TAF7L: variants seen among roughly 807,000 people sequenced by gnomAD.
The protein encoded by TAF7L is TATA-box binding protein associated factor 7 like.
A neutral mutation model predicts 30.2 loss-of-function variants in TAF7L; 6 were observed. The observed-to-expected ratio is 0.20, with a 90% confidence interval of 0.11 to 0.39. The LOEUF is 0.39. TAF7L is among the 10% of genes least tolerant of loss of function. The pLI, the probability that TAF7L is intolerant of heterozygous loss-of-function variation, is 1.00. For missense variants in TAF7L, 284 were observed against 277.1 expected (o/e 1.03, Z -0.18); for synonymous variants, 93 against 94.5 (o/e 0.98, Z 0.09).
chrX:101,275,214 C>A lies in TAF7L; in HGVS notation c.1086+8G>T. The A allele has an allele frequency of 8.6e-7, 1 of 1,161,984 alleles. No individual in the cohort carries two copies. Among genetic ancestry groups the A allele is most frequent in the Non-Finnish European group, 1.2e-6 (1 of 858,088 alleles). On this transcript the variant is annotated splice_region_variant and intron_variant, in intron 12 of 12. Transcript: ENST00000356784. ...GTTTTCTGGTTAATTTGAAAACATACTTCTTACCTTCTCATTTTTTTGTTT... is the reference window on the plus strand; with the variant it reads ...GTTTTCTGGTTAATTTGAAAACATAATTCTTACCTTCTCATTTTTTTGTTT...
rs373791048 is a variant in TAF7L, at chrX:101,278,979, T to G, written c.504+15A>C. The G allele has an allele frequency of 2.9e-5, 35 of 1,192,649 alleles. No individual in the cohort carries two copies. The African/African-American group carries it at 4.9e-4, about 17-fold the overall frequency. ...CATTAAGGGTAAAAATGAAGTTATA[T>G]TATGATTGCTCTACCTCAGTAAAGC... On this transcript the variant is annotated intron_variant, in intron 7 of 12. Transcript: ENST00000356784.
chrX:101,276,750 T>C (rs1375587625), intron 9 of TAF7L, among the ~76,000 whole-genome samples: 1 of 110,900 alleles, frequency 9.0e-6, no homozygotes, highest in Non-Finnish European at 1.9e-5. Flanking sequence ...TTAGAGACTC[T>C]AAGGGTCATA....
At chrX:101,288,353 G>A (rs1471333325) in intron 1 of TAF7L, among the ~76,000 whole-genome samples, 1 of 109,757 alleles carries the variant, frequency 9.1e-6, no homozygotes, top group East Asian at 2.9e-4. Flanking sequence ...ATGTCGGCTA[G>A]GCTGGTCTTA....
chrX:101,274,931 A>T (rs1450821998), intron 12 of TAF7L, among the ~76,000 whole-genome samples: 3 of 112,002 alleles, frequency 2.7e-5, no homozygotes, highest in Non-Finnish European at 5.6e-5. Flanking sequence ...TATATACATT[A>T]TTTTGCTTAA....
upstream of TAF7L, among the ~76,000 whole-genome samples, chrX:101,291,894 C>G (rs1179977230): frequency 9.9e-6 from 1 of 100,979 alleles, no homozygotes; most frequent in Non-Finnish European, 2.0e-5. Context: ...TACACAGGGG[C>G]AACCTTCAGG....
At chrX:101,288,489 TTTC>T (rs1182380697) in intron 1 of TAF7L, among the ~76,000 whole-genome samples, 1 of 108,903 alleles carries the variant, frequency 9.2e-6, no homozygotes, top group Non-Finnish European at 1.9e-5. Flanking sequence ...CTCTTTTTTT[TTTC>T]TTTTTGAGAT....
chrX:101,289,668 T>G (rs1013372976), intron 1 of TAF7L, among the ~76,000 whole-genome samples: 1 of 110,876 alleles, frequency 9.0e-6, no homozygotes, highest in East Asian at 2.9e-4. Flanking sequence ...CTGCAACCTC[T>G]GCTGCCCGGG....
chrX:101,284,068 A>T (rs1249694148), intron 3 of TAF7L, among the ~76,000 whole-genome samples: 1 of 111,745 alleles, frequency 8.9e-6, no homozygotes, highest in Non-Finnish European at 1.9e-5. Flanking sequence ...ACAGCCATAT[A>T]CTAAACTCTG....
At chrX:101,287,753 T>G (rs1453362081) in intron 1 of TAF7L, 1 of 319,711 alleles carries the variant, frequency 3.1e-6, no homozygotes, top group Non-Finnish European at 5.5e-6. Context: ...CTCCAATATG[T>G]GTAGATTTTC....
At position 101,275,255 on chromosome X, in the gene TAF7L, C is replaced by T; in HGVS notation, c.1053G>A (p.Gln351=). Residue 351 remains glutamine (Q), a synonymous_variant, in exon 12 of 13, where the codon CAG becomes CAA. Transcript: ENST00000356784. ...LKNHFQSVLE[Q]LELQEKQKNE... The stretch of plus-strand genomic sequence containing the variant: ...TTTTTTGTTTTTCCTGTAACTCAAG[C>T]TGCTCCAGCACAGACTGAAAATGAT... The T allele has an allele frequency of 8.4e-7, 1 of 1,188,381 alleles. No homozygotes were observed. Among genetic ancestry groups the T allele is most frequent in the East Asian group, 3.1e-5 (1 of 32,757 alleles).
chrX:101,279,347 C>T (rs187686225), intron 6 of TAF7L, among the ~76,000 whole-genome samples: 1 of 111,982 alleles, frequency 8.9e-6, no homozygotes, highest in Non-Finnish European at 1.9e-5. Flanking sequence ...TTTGGCCAGG[C>T]GTGGTGGCTC....
chrX:101,277,487 C>T (rs1322829024), intron 9 of TAF7L, 119 bp downstream of exon 9: 2 of 368,316 alleles, frequency 5.4e-6, no homozygotes, highest in Non-Finnish European at 9.2e-6. Context: ...AGGACGAAAC[C>T]ATCCTTTTTT....
At chrX:101,281,888 T>A in intron 5 of TAF7L, 113 bp from the exon 6 acceptor site, 3 of 375,285 alleles carry the variant, frequency 8.0e-6, no homozygotes, top group Non-Finnish European at 1.2e-5. Flanking sequence ...ATCACTCCTT[T>A]TTTTTTTTTT....
Position 101,278,075 on chromosome X carries a change from C to T in TAF7L, c.551G>A (p.Arg184His), listed in dbSNP as rs375528237. The T allele has an allele frequency of 7.8e-5, 94 of 1,209,231 alleles. No homozygotes were observed. The highest frequency in any genetic ancestry group is 6.9e-4 in the Middle Eastern group (3 of 4,371). The change falls in exon 8 of 13, where the codon CGT (arginine) becomes CAT (histidine). Residue 184 changes from arginine to histidine, a missense_variant. Coordinates refer to ENST00000356784, the MANE Select transcript of TAF7L (RefSeq NM_001168474.2). ...DVENEVKRLL[R>H]SDAEAVSTRW... ...GGTACTTACGGCTTCAGCATCCGAA[C>T]GCAGCAGTCTCTTTACTTCATTTTC...
intron 3 of TAF7L, 39 bp from the exon 4 acceptor site, chrX:101,283,622 T>G (rs779979409): frequency 5.0e-6 from 6 of 1,201,256 alleles, no homozygotes; most frequent in Non-Finnish European, 6.8e-6. Context: ...ATCTTCCCAG[T>G]GAACTCTTAA....
chrX:101,288,084 G>A (rs746170407), intron 1 of TAF7L, among the ~76,000 whole-genome samples: 1 of 110,518 alleles, frequency 9.0e-6, no homozygotes, highest in African/African-American at 3.3e-5. Flanking sequence ...AGTTTTTTAT[G>A]ACTCTAGAGC....
rs150915276 is a variant in TAF7L, at chrX:101,288,800, T to C, written c.-2-1255A>G. On this transcript the variant is annotated intron_variant, in intron 1 of 12. Coordinates refer to ENST00000356784, the MANE Select transcript of TAF7L (RefSeq NM_001168474.2). ...ATTATAATCATATATAATTATGGGG[T>C]ACACAATGATGTTATGATATAGTGT... 5.0e-3 allele frequency among the ~76,000 whole-genome samples: 553 copies of C among 111,049 alleles called. 5 individuals carry two copies. The highest frequency in any genetic ancestry group is 0.017 in the African/African-American group (534 of 30,565).
At chrX:101,269,723 C>T (rs1923907529) in intron 12 of TAF7L, among the ~76,000 whole-genome samples, 1 of 111,125 alleles carries the variant, frequency 9.0e-6, no homozygotes, top group South Asian at 3.8e-4. Context: ...AAGACCTGCC[C>T]CCATGATTCA....
At position 101,291,218 on chromosome X, in the gene TAF7L, A is replaced by C; in HGVS notation, c.-3+6T>G. The C allele has an allele frequency of 1.3e-6, 1 of 746,388 alleles. No homozygotes were observed. Among genetic ancestry groups the C allele is most frequent in the Non-Finnish European group, 1.6e-6 (1 of 633,205 alleles). 61.5% of individuals were successfully genotyped at this position (746,388 alleles called of 1,213,427 possible). A position where few individuals can be genotyped will look rare whatever the true frequency, so the allele number is the denominator to read the frequency against. On this transcript the variant is annotated splice_donor_region_variant and intron_variant, in intron 1 of 12. Transcript: ENST00000356784. Reference sequence around the variant, plus strand: ...TCCCGGCCGCCCGGTCGGCCGCCCGACTCACCCGCTCCTCCGGGAACTGGC... The same window carrying C: ...TCCCGGCCGCCCGGTCGGCCGCCCGCCTCACCCGCTCCTCCGGGAACTGGC...
Sources: allele counts gnomAD v4.1 joint callset (sites outside exome capture counted in the v4.1 genomes callset), GRCh38; gene constraint gnomAD v4.1.1; transcripts MANE v1.5; gene names NCBI Gene and HGNC (gene_info 2026-07-23, HGNC 2026-07-21).